Variants in RHBDF1 observed in about 807,000 individuals in gnomAD.
The protein encoded by RHBDF1 is rhomboid 5 homolog 1.
In RHBDF1, 80 loss-of-function variants were observed where a neutral mutation model predicts 98.6. The observed-to-expected ratio is 0.81, with a 90% CI of 0.68 to 0.98. The LOEUF (loss-of-function observed/expected upper bound fraction) is 0.98. Ranked by LOEUF, RHBDF1 falls within the 50% of genes least tolerant of loss-of-function variation. The probability of loss-of-function intolerance (pLI) is 0.00; values close to 1 mark genes in which losing one functional copy is unlikely to be tolerated. For synonymous variants in RHBDF1, 512 were observed against 486.8 expected, an observed-to-expected ratio of 1.05 and a Z score of -0.68; for missense variants, 1,116 against 1,198.3, an observed-to-expected ratio of 0.93 and a Z score of 1.01.
At chr16:70,508 G>A (rs1465980665) in intron 1 of RHBDF1, among the ~76,000 whole-genome samples, 1 of 152,234 alleles carries the variant, frequency 6.6e-6, no homozygotes, top group Non-Finnish European at 1.5e-5. Context: ...GACTAGAGAG[G>A]CCACAGGAGG....
In RHBDF1 at chr16:63,150, G is replaced by A; in HGVS notation, c.495C>T (p.Phe165=). 6.3e-7 allele frequency: 1 copy of A among 1,592,434 alleles called. No homozygotes were observed. The highest frequency in any genetic ancestry group is 8.5e-7 in the Non-Finnish European group (1 of 1,170,436). ...IIDPLARGRA[F]RVADDTAEGL... is the part of the protein sequence containing the mutation. ...CTTCCGCAGTGTCATCTGCCACACGGAAGGCACGGCCACGGGCCAGGGGGT... is the reference window on the plus strand; with the variant it reads ...CTTCCGCAGTGTCATCTGCCACACGAAAGGCACGGCCACGGGCCAGGGGGT... Residue 165 remains phenylalanine (F), a synonymous_variant, in exon 5 of 18, where the codon TTC becomes TTT. Coordinates refer to ENST00000262316, the MANE Select transcript of RHBDF1 (RefSeq NM_022450.5).
At chr16:59,583 C>A in intron 14 of RHBDF1, 89 bp from the exon 15 acceptor site, 1 of 1,486,182 alleles carries the variant, frequency 6.7e-7, no homozygotes, top group East Asian at 2.3e-5. Context: ...ACCTACCCAC[C>A]TTTGTTGGCC....
chr16:67,351 G>C (rs1163386902), intron 1 of RHBDF1, among the ~76,000 whole-genome samples: 1 of 152,222 alleles, frequency 6.6e-6, no homozygotes, highest in African/African-American at 2.4e-5. Context: ...TGGGGCCACT[G>C]CCAGGAATCA....
At position 58,815 on chromosome 16, in the gene RHBDF1, C is replaced by T. The variant is rs1039475133; in HGVS notation, c.2149-56G>A. ...GTGGGGCTGGGCAGGCCCCCTGGACCCAAGGCCTCATCTTTCTGCCCCACT... is the reference window on the plus strand; with the variant it reads ...GTGGGGCTGGGCAGGCCCCCTGGACTCAAGGCCTCATCTTTCTGCCCCACT... On this transcript the variant is annotated intron_variant, in intron 17 of 17. Coordinates refer to ENST00000262316, the MANE Select transcript of RHBDF1 (RefSeq NM_022450.5). 3 of 1,578,264 alleles carry T rather than the reference C, an allele frequency of 1.9e-6. No individual in the cohort carries two copies. The African/African-American group carries it at 4.1e-5, about 21-fold the overall frequency.
At chr16:58,951 C>A in intron 17 of RHBDF1, 23 bp downstream of exon 17, 1 of 1,611,188 alleles carries the variant, frequency 6.2e-7, no homozygotes, top group Admixed American at 1.7e-5. Context: ...CGGGAGGATC[C>A]CCACCCTGAG....
chr16:72,560 G>GGA lies in RHBDF1; in HGVS notation c.-73_-72insTC. The GGA allele has an allele frequency of 1.1e-5, 10 of 943,560 alleles. No individual in the cohort carries two copies. Among genetic ancestry groups the GGA allele is most frequent in the Non-Finnish European group, 1.2e-5 (10 of 813,794 alleles). 58.4% of individuals were successfully genotyped at this position (943,560 alleles called of 1,614,324 possible). A position where few individuals can be genotyped will look rare whatever the true frequency, so the allele number is the denominator to read the frequency against. On this transcript the variant is annotated 5_prime_UTR_variant, in exon 1 of 18. Coordinates refer to ENST00000262316, the MANE Select transcript of RHBDF1 (RefSeq NM_022450.5). ...GGGTCCTGAGGGCGCCGGGGAGGAG[G>GGA]CTGCCGCCGCTGGCCGGGAGGGCCC...
At position 61,184 on chromosome 16, in the gene RHBDF1, TGCTTCTCGCGCTCGC is replaced by T; in HGVS notation, c.1478_1492del (p.Arg493_Lys497del). The T allele has an allele frequency of 6.5e-7, 1 of 1,541,998 alleles. No homozygotes were observed. Among genetic ancestry groups the T allele is most frequent in the Non-Finnish European group, 8.7e-7 (1 of 1,145,404 alleles). ...GTCGTTGCGCACGCAGCAGGCGGAG[TGCTTCTCGCGCTCGC>T]GCGCCGAGCGAATGAAGCTGTGCAC... is the stretch of plus-strand genomic sequence containing the variant. On this transcript the variant is annotated inframe_deletion, in exon 11 of 18. Coordinates refer to ENST00000262316, the MANE Select transcript of RHBDF1 (RefSeq NM_022450.5).
intron 1 of RHBDF1, among the ~76,000 whole-genome samples, chr16:68,059 G>A (rs560431029): frequency 1.1e-4 from 17 of 152,024 alleles, no homozygotes; most frequent in Non-Finnish European, 1.9e-4. Flanking sequence ...CCCCAGGACT[G>A]TCTCAGCCGG....
At chr16:60,974 A>AC in intron 11 of RHBDF1, 146 bp downstream of exon 11, 4 of 823,572 alleles carry the variant, frequency 4.9e-6, no homozygotes. Flanking sequence ...GGGGATGAGG[A>AC]GGAATGAATA....
chr16:63,909 C>A, intron 3 of RHBDF1, 109 bp from the exon 4 acceptor site: 9 of 941,992 alleles, frequency 9.6e-6, no homozygotes, highest in South Asian at 1.4e-5. Flanking sequence ...TGTAGTCACT[C>A]CAGGGACCAG....
Position 64,725 on chromosome 16 carries a change from C to T in RHBDF1, c.222G>A (p.Gln74=). Reference sequence around the variant, plus strand: ...TGCGGATGGTCTGTGTGATGGACGTCTGGCGTTGCAGCACCGGCCGCCGGA... The same window carrying T: ...TGCGGATGGTCTGTGTGATGGACGTTTGGCGTTGCAGCACCGGCCGCCGGA... ...HELRRPVLQR[Q]TSITQTIRRG... is the part of the protein sequence containing the mutation. Residue 74 remains glutamine (Q), a synonymous_variant, in exon 3 of 18, where the codon CAG becomes CAA. Transcript: ENST00000262316. 1 of 1,613,488 alleles carries T rather than the reference C, an allele frequency of 6.2e-7. No individual in the cohort carries two copies. The highest frequency in any genetic ancestry group is 2.2e-5 in the East Asian group (1 of 44,862).
chr16:72,280 T>G (rs1897992930), intron 1 of RHBDF1, among the ~76,000 whole-genome samples: 1 of 151,858 alleles, frequency 6.6e-6, no homozygotes, highest in African/African-American at 2.4e-5. Context: ...GGGCTAGGAA[T>G]CCGGGGCTGG....
rs1231239788 is a variant in RHBDF1 at position 61,128 on chromosome 16, C to T, written c.1549G>A (p.Glu517Lys). 1 of 1,531,186 alleles carries T rather than the reference C, an allele frequency of 6.5e-7. No individual in the cohort carries two copies. The highest frequency in any genetic ancestry group is 8.8e-7 in the Non-Finnish European group (1 of 1,140,920). 94.8% of individuals were successfully genotyped at this position (1,531,186 alleles called of 1,614,324 possible). Reference protein sequence around the residue: ...RSGCVQTSEEECSSTLAVWVK... With the variant: ...RSGCVQTSEEKCSSTLAVWVK... ...CGGGCGGGGAAACGCACCGAGCACTCCTCCTCCGAGGTCTGCACGCAGCCC... is the reference window on the plus strand; with the variant it reads ...CGGGCGGGGAAACGCACCGAGCACTTCTCCTCCGAGGTCTGCACGCAGCCC... Residue 517 changes from glutamate to lysine, a missense_variant, in exon 11 of 18, where the codon GAG becomes AAG. Coordinates refer to ENST00000262316, the MANE Select transcript of RHBDF1 (RefSeq NM_022450.5).
At chr16:69,169 G>T (rs1025020619) in intron 1 of RHBDF1, among the ~76,000 whole-genome samples, 1 of 152,174 alleles carries the variant, frequency 6.6e-6, no homozygotes, top group Non-Finnish European at 1.5e-5. Context: ...CCCTCCAAAG[G>T]TGTCGAGTTT....
Position 58,405 on chromosome 16 carries a change from G to C in RHBDF1, c.2503C>G (p.Leu835Val). The change falls in exon 18 of 18, where the codon CTC (leucine) becomes GTC (valine). Residue 835 changes from leucine (L) to valine (V), a missense_variant. Leu to Val is a conservative substitution (Grantham distance 32). Transcript: ENST00000262316. ...TTGTCAGTGAAGGGGATGCAGGTGA[G>C]GAACTCACACCACTCACAGCGGACA... The part of the protein sequence containing the change: ...YPVRCEWCEF[L>V]TCIPFTDKFC... 1 of 1,613,964 alleles carries C rather than the reference G, an allele frequency of 6.2e-7. No homozygotes were observed. The highest frequency in any genetic ancestry group is 1.1e-5 in the South Asian group (1 of 91,084).
rs184059876 is a variant in RHBDF1, at chr16:59,727, C to T, written c.1817+5G>A. 21 of 1,613,788 alleles carry T rather than the reference C, an allele frequency of 1.3e-5. No homozygotes were observed. Among genetic ancestry groups the T allele is most frequent in the African/African-American group, 6.7e-5 (5 of 75,062 alleles). ...CCAGCTGCACTCGCTGGCACGCACA[C>T]GTACCTGCCCTTGGTGCCAATGCAG... On this transcript the variant is annotated splice_donor_5th_base_variant and intron_variant, in intron 14 of 17. Transcript: ENST00000262316.
intron 3 of RHBDF1, 107 bp from the exon 4 acceptor site, chr16:63,907 C>T (rs770070768): frequency 7.2e-6 from 7 of 965,796 alleles, no homozygotes; most frequent in Non-Finnish European, 1.1e-5. Context: ...CCTGTAGTCA[C>T]TCCAGGGACC....
At position 60,140 on chromosome 16, in the gene RHBDF1, C is replaced by T. The variant is rs568644747; in HGVS notation, c.1722+76G>A. 13 of 1,607,418 alleles carry T rather than the reference C, an allele frequency of 8.1e-6. No individual in the cohort carries two copies. In the African/African-American group the frequency reaches 1.6e-4, roughly 20 times the overall value. On this transcript the variant is annotated intron_variant, in intron 13 of 17. Transcript: ENST00000262316. Reference sequence around the variant, plus strand: ...GTCCCATGATGGGAATCTCTGGTATCACCAGTGGGTGGGGTGTGGCATTCT... The same window carrying T: ...GTCCCATGATGGGAATCTCTGGTATTACCAGTGGGTGGGGTGTGGCATTCT...
upstream of RHBDF1, chr16:72,637 A>C: frequency 1.1e-6 from 1 of 936,488 alleles, no homozygotes; most frequent in Non-Finnish European, 1.2e-6. Context: ...AATGCCCTGG[A>C]GCGAGGGGCG....
Sources: allele counts gnomAD v4.1 joint callset (sites outside exome capture counted in the v4.1 genomes callset), GRCh38; gene constraint gnomAD v4.1.1; transcripts MANE v1.5; gene names NCBI Gene and HGNC (gene_info 2026-07-23, HGNC 2026-07-21).